Variants in KDM7A observed in about 807,000 individuals in gnomAD.
KDM7A encodes lysine-specific demethylase 7A.
Under a neutral mutation model 114.8 loss-of-function variants are expected in KDM7A, and 28 were observed. That is an observed-to-expected ratio of 0.24 (90% CI 0.18 to 0.33). The LOEUF (loss-of-function observed/expected upper bound fraction) is 0.33, where lower values mean the gene tolerates loss of function less well. Among genes scored for constraint, KDM7A ranks in the 10% least tolerant of loss-of-function variants. The probability of loss-of-function intolerance (pLI) is 1.00; values close to 1 mark genes in which losing one functional copy is unlikely to be tolerated. For synonymous variants in KDM7A, 423 were observed against 397.8 expected, an observed-to-expected ratio of 1.06 and a Z score of -0.75; for missense variants, 942 against 1,142.5, an observed-to-expected ratio of 0.82 and a Z score of 2.53.
At chr7:140,166,347 T>A (rs1217117868) in intron 1 of KDM7A, among the ~76,000 whole-genome samples, 2 of 148,710 alleles carry the variant, frequency 1.3e-5, no homozygotes, top group African/African-American at 2.5e-5. Context: ...TTTTTTTTTT[T>A]TTTTTTTTTT....
At chr7:140,114,926 T>C (rs1408481841) in intron 9 of KDM7A, among the ~76,000 whole-genome samples, 2 of 141,800 alleles carry the variant, frequency 1.4e-5, no homozygotes, top group African/African-American at 5.4e-5. Context: ...GAGGAGCCCC[T>C]CCGCCCGGAA....
intron 1 of KDM7A, among the ~76,000 whole-genome samples, chr7:140,160,557 G>A (rs1385515423): frequency 6.6e-5 from 10 of 152,172 alleles, no homozygotes; most frequent in Non-Finnish European, 1.5e-4. Context: ...ACTTTATGAT[G>A]GGCTTATCAG....
In KDM7A at chr7:140,086,965, A is replaced by G. The variant is rs947437690; in HGVS notation, c.*4129T>C. ...ATGCCTAGCAGTAGCATACTGGGTC[A>G]CATGATATTCCAATCAACTCTATCT... On this transcript the variant is annotated 3_prime_UTR_variant, in exon 20 of 20. Transcript: ENST00000397560. The G allele has an allele frequency of 1.3e-5, 2 of 152,242 alleles. No homozygotes were observed. Among genetic ancestry groups the G allele is most frequent in the Non-Finnish European group, 2.9e-5 (2 of 68,046 alleles). 9.4% of individuals were successfully genotyped at this position (152,242 alleles called of 1,614,324 possible). A position where few individuals can be genotyped will look rare whatever the true frequency, so the allele number is the denominator to read the frequency against.
chr7:140,102,511 T>A (rs1818248361), intron 11 of KDM7A, among the ~76,000 whole-genome samples: 1 of 152,142 alleles, frequency 6.6e-6, no homozygotes, highest in African/African-American at 2.4e-5. Flanking sequence ...GCCTCCCAAG[T>A]AGCTGGGACT....
chr7:140,157,601 C>A (rs1794471616), intron 1 of KDM7A, among the ~76,000 whole-genome samples: 1 of 152,124 alleles, frequency 6.6e-6, no homozygotes. Context: ...CTGCAGTGAG[C>A]TGTGATCATG....
intron 1 of KDM7A, among the ~76,000 whole-genome samples, chr7:140,144,760 A>G (rs970941126): frequency 6.6e-6 from 1 of 151,884 alleles, no homozygotes; most frequent in Non-Finnish European, 1.5e-5. Flanking sequence ...AACGTAATCC[A>G]CAATGTTGGA....
In KDM7A at chr7:140,150,827, CT is replaced by C. The variant is rs922394260; in HGVS notation, c.195-11638del. Among the ~76,000 whole-genome samples, 824 of 127,844 alleles carry C rather than the reference CT, an allele frequency of 6.4e-3. 3 individuals carry two copies. The highest frequency in any genetic ancestry group is 9.4e-3 in the African/African-American group (322 of 34,094). The allele number at this position is 127,844 out of a possible 152,430, so 83.9% of individuals were successfully genotyped here. On this transcript the variant is annotated intron_variant, in intron 1 of 19. Coordinates refer to ENST00000397560, the MANE Select transcript of KDM7A (RefSeq NM_030647.2). ...TGAGTGTGGCCCAATAATCTCTGTT[CT>C]TTTTTTTTTTTTTTTTTTGAGACGA... is the stretch of plus-strand genomic sequence containing the variant.
At chr7:140,152,162 T>C (rs578091288) in intron 1 of KDM7A, among the ~76,000 whole-genome samples, 1 of 152,316 alleles carries the variant, frequency 6.6e-6, no homozygotes, top group East Asian at 1.9e-4. Flanking sequence ...GCCTCTCTGC[T>C]GGAACAGAAA....
At chr7:140,127,302 C>T (rs1311090769) in intron 5 of KDM7A, 140 bp downstream of exon 5, 4 of 719,234 alleles carry the variant, frequency 5.6e-6, no homozygotes, top group South Asian at 1.9e-5. Flanking sequence ...CTCTGAGTGT[C>T]CCAATGCAAA....
chr7:140,142,305 C>A (rs1170429879), intron 1 of KDM7A, among the ~76,000 whole-genome samples: 3 of 151,020 alleles, frequency 2.0e-5, no homozygotes, highest in Non-Finnish European at 1.5e-5. Context: ...AAAATAAACT[C>A]CTATTCATTA....
At chr7:140,120,598 C>T (rs1200830393) in intron 7 of KDM7A, 69 bp from the exon 8 acceptor site, 6 of 861,730 alleles carry the variant, frequency 7.0e-6, no homozygotes, top group Non-Finnish European at 1.2e-5. Context: ...GGATATCTAC[C>T]TGTGAAGTAA....
At chr7:140,126,976 T>G (rs1216298569) in intron 5 of KDM7A, among the ~76,000 whole-genome samples, 153 bp from the exon 6 acceptor site, 1 of 152,250 alleles carries the variant, frequency 6.6e-6, no homozygotes, top group African/African-American at 2.4e-5. Flanking sequence ...TTGTTTGTTT[T>G]TGAGACAGAG....
In KDM7A at chr7:140,151,370, T is replaced by C. The variant is rs114635707; in HGVS notation, c.195-12180A>G. On this transcript the variant is annotated intron_variant, in intron 1 of 19. Coordinates refer to ENST00000397560, the MANE Select transcript of KDM7A (RefSeq NM_030647.2). ...ACAGATCTACCTAAAGCTGATTACA[T>C]AGTGGATTCTCACACAATATTTACT... 1.3e-3 allele frequency among the ~76,000 whole-genome samples: 196 copies of C among 152,310 alleles called. 2 individuals are homozygous for C. The highest frequency in any genetic ancestry group is 4.5e-3 in the African/African-American group (185 of 41,572).
At chr7:140,115,829 AAT>A (rs1210602679) in intron 9 of KDM7A, among the ~76,000 whole-genome samples, 9 of 149,444 alleles carry the variant, frequency 6.0e-5, no homozygotes, top group Non-Finnish European at 1.3e-4. Flanking sequence ...AATAAAAAAA[AAT>A]AAAACATTAA....
At chr7:140,132,514 A>G (rs1159379017) in intron 3 of KDM7A, among the ~76,000 whole-genome samples, 2 of 152,222 alleles carry the variant, frequency 1.3e-5, no homozygotes, top group Non-Finnish European at 2.9e-5. Flanking sequence ...CACCAGAAGC[A>G]GACTGAAAAC....
chr7:140,107,859 A>C (rs4512307), intron 11 of KDM7A, among the ~76,000 whole-genome samples: 24,623 of 152,114 alleles, frequency 0.16, 2,340 homozygotes, highest in East Asian at 0.32. Flanking sequence ...TAATATCCTG[A>C]AGAGTGTTTT....
chr7:140,159,709 T>C (rs1166817686), intron 1 of KDM7A, among the ~76,000 whole-genome samples: 1 of 152,146 alleles, frequency 6.6e-6, no homozygotes, highest in African/African-American at 2.4e-5. Context: ...GAACAGGCAA[T>C]GTCACCAGTA....
intron 6 of KDM7A, among the ~76,000 whole-genome samples, chr7:140,125,999 G>C (rs1439332272): frequency 6.6e-6 from 1 of 151,910 alleles, no homozygotes; most frequent in Non-Finnish European, 1.5e-5. Flanking sequence ...CAACTTCCTG[G>C]GCTCAAGTGA....
intron 1 of KDM7A, among the ~76,000 whole-genome samples, chr7:140,151,222 C>T (rs553269054): frequency 2.0e-5 from 3 of 152,320 alleles, no homozygotes; most frequent in African/African-American, 7.2e-5. Flanking sequence ...TGATCTAAAA[C>T]TCTAGCATCA....
Sources: allele counts gnomAD v4.1 joint callset (sites outside exome capture counted in the v4.1 genomes callset), GRCh38; gene constraint gnomAD v4.1.1; transcripts MANE v1.5; gene names NCBI Gene and HGNC (gene_info 2026-07-23, HGNC 2026-07-21).